SFMBT2: variants seen among roughly 807,000 people sequenced by gnomAD.
SFMBT2 encodes the protein scm-like with four MBT domains protein 2.
SFMBT2 carries 38 observed loss-of-function variants against 110.1 expected under a neutral mutation model. The observed-to-expected ratio is 0.35, with a 90% CI of 0.27 to 0.45. The LOEUF is 0.45. Among genes scored for constraint, SFMBT2 ranks in the 20% least tolerant of loss-of-function variants. SFMBT2 has a pLI of 1.00. For synonymous variants in SFMBT2, 425 were observed against 425.4 expected (o/e 1.00, Z 0.01); for missense variants, 1,011 against 1,094.9 (o/e 0.92, Z 1.08).
chr10:7,180,377 G>A (rs1372584534), intron 16 of SFMBT2, among the ~76,000 whole-genome samples: 1 of 151,090 alleles, frequency 6.6e-6, no homozygotes, highest in East Asian at 1.9e-4. Context: ...GACCTCAAGT[G>A]ATCTGCCCGC....
intron 10 of SFMBT2, among the ~76,000 whole-genome samples, chr10:7,226,383 C>A (rs1839896150): frequency 6.6e-6 from 1 of 152,246 alleles, no homozygotes; most frequent in Non-Finnish European, 1.5e-5. Context: ...GACTTGCACT[C>A]ACTTTTGAAC....
intron 16 of SFMBT2, chr10:7,176,583 T>G (rs1360943472): frequency 1.3e-6 from 1 of 773,858 alleles, no homozygotes; most frequent in Non-Finnish European, 1.6e-6. Flanking sequence ...GATTCTGCCT[T>G]GAAAACCATG....
At chr10:7,331,244 C>T (rs1843551079) in intron 4 of SFMBT2, among the ~76,000 whole-genome samples, 2 of 152,314 alleles carry the variant, frequency 1.3e-5, no homozygotes, top group South Asian at 2.1e-4. Context: ...TTTCATCACT[C>T]GATGGCACAC....
chr10:7,241,657 C>A (rs1840434059), intron 9 of SFMBT2, among the ~76,000 whole-genome samples: 1 of 152,100 alleles, frequency 6.6e-6, no homozygotes, highest in African/African-American at 2.4e-5. Flanking sequence ...GAATGTTTAA[C>A]AGTTCAGTTG....
At chr10:7,315,062 AAG>A (rs1322460669) in intron 4 of SFMBT2, among the ~76,000 whole-genome samples, 5 of 139,868 alleles carry the variant, frequency 3.6e-5, no homozygotes, top group Admixed American at 7.2e-5. Flanking sequence ...GAAAGAAAGA[AAG>A]AAAGAAAGAA....
At chr10:7,242,780 A>G (rs1840476355) in intron 9 of SFMBT2, among the ~76,000 whole-genome samples, 1 of 152,242 alleles carries the variant, frequency 6.6e-6, no homozygotes, top group Admixed American at 6.5e-5. Flanking sequence ...TTCTCCCAAT[A>G]GGGTTAATGT....
intron 1 of SFMBT2, among the ~76,000 whole-genome samples, chr10:7,384,308 G>A (rs566010902): frequency 6.7e-5 from 10 of 148,288 alleles, no homozygotes; most frequent in African/African-American, 9.9e-5. Flanking sequence ...CTGTGGCACC[G>A]TCTGGGGCAC....
intron 8 of SFMBT2, chr10:7,244,058 GA>G: frequency 2.2e-6 from 2 of 905,314 alleles, no homozygotes; most frequent in Non-Finnish European, 2.6e-6. Context: ...GACAGGAACT[GA>G]AAAGTGAAAC....
At position 7,171,272 on chromosome 10, in the gene SFMBT2, G is replaced by A; in HGVS notation, c.2416-216C>T. ...TGCAATGACTCATGTGCCTTCAGAT[G>A]GAAGAAGGCAGGCACAGTGACAGTC... On this transcript the variant is annotated intron_variant, in intron 19 of 20. Transcript: ENST00000397167. The surrounding 1 kb of genome is among the most constrained non-coding windows in gnomAD (Gnocchi z 4.9). The A allele has an allele frequency of 1.3e-6, 1 of 751,676 alleles. No individual in the cohort carries two copies. Among genetic ancestry groups the A allele is most frequent in the Non-Finnish European group, 1.6e-6 (1 of 616,570 alleles). 46.6% of individuals were successfully genotyped at this position (751,676 alleles called of 1,614,324 possible).
At chr10:7,353,628 A>G (rs1844400439) in intron 4 of SFMBT2, among the ~76,000 whole-genome samples, 1 of 152,200 alleles carries the variant, frequency 6.6e-6, no homozygotes, top group African/African-American at 2.4e-5. Context: ...TCCTCCCATC[A>G]TGCATTTTCA....
intron 11 of SFMBT2, among the ~76,000 whole-genome samples, chr10:7,209,666 G>A (rs1204099030): frequency 6.6e-6 from 1 of 152,202 alleles, no homozygotes; most frequent in Non-Finnish European, 1.5e-5. Context: ...TTAAAAGGGG[G>A]AAATAACATA....
In SFMBT2 at chr10:7,372,482, C is replaced by T. The variant is rs117409106; in HGVS notation, c.101-2107G>A. 2.7e-3 allele frequency among the ~76,000 whole-genome samples: 405 copies of T among 152,340 alleles called. 1 individual carries two copies. The highest frequency in any genetic ancestry group is 0.02 in the Middle Eastern group (6 of 294). On this transcript the variant is annotated intron_variant, in intron 2 of 20. Coordinates refer to ENST00000397167, the MANE Select transcript of SFMBT2 (RefSeq NM_001387889.1). ...AAACCTTTCCTTGGTGGTGCTCTAA[C>T]ATTCGGTCCCACCCAGGGATTGACG...
At position 7,248,736 on chromosome 10, in the gene SFMBT2, T is replaced by C. The variant is rs562666117; in HGVS notation, c.871-87A>G. Reference sequence around the variant, plus strand: ...CCGGATGCGCTCCTGGAGCATTTTATTGGGCAACCAAAATCTTATGGAGAC... The same window carrying C: ...CCGGATGCGCTCCTGGAGCATTTTACTGGGCAACCAAAATCTTATGGAGAC... On this transcript the variant is annotated intron_variant, in intron 7 of 20. Coordinates refer to ENST00000397167, the MANE Select transcript of SFMBT2 (RefSeq NM_001387889.1). 494 of 1,125,466 alleles carry C rather than the reference T, an allele frequency of 4.4e-4. 2 individuals are homozygous for C. Among genetic ancestry groups the C allele is most frequent in the South Asian group, 6.3e-4 (46 of 72,668 alleles). The allele number at this position is 1,125,466 out of a possible 1,614,324, so 69.7% of individuals were successfully genotyped here.
rs181434178 is a variant in SFMBT2 at position 7,319,886 on chromosome 10, G to C, written c.437-33932C>G. ...ACAGAGGGAGACAGAGAGGGAGAGA[G>C]ACAGAGAGACAGAGAGAGACTAAGA... On this transcript the variant is annotated intron_variant, in intron 4 of 20. Coordinates refer to ENST00000397167, the MANE Select transcript of SFMBT2 (RefSeq NM_001387889.1). 6.5e-3 allele frequency among the ~76,000 whole-genome samples: 898 copies of C among 137,874 alleles called. 13 individuals are homozygous for C. The highest frequency in any genetic ancestry group is 0.025 in the African/African-American group (840 of 33,448). 90.5% of individuals were successfully genotyped at this position (137,874 alleles called of 152,430 possible).
intron 4 of SFMBT2, among the ~76,000 whole-genome samples, chr10:7,355,856 A>G (rs1304073823): frequency 1.3e-5 from 2 of 152,214 alleles, no homozygotes; most frequent in Non-Finnish European, 2.9e-5. Context: ...GTCAATGTAT[A>G]CAACTGTTGG....
chr10:7,367,613 G>A lies in SFMBT2; in HGVS notation c.436+36C>T, dbSNP rs561576859. On this transcript the variant is annotated intron_variant, in intron 4 of 20. Transcript: ENST00000397167. The surrounding 1 kb of genome is among the most constrained non-coding windows in gnomAD (Gnocchi z 6.2). ...AATTACAGGCGTCATGAAGGATGGC[G>A]GCTCGTAAATCGAAGCCTTTGAAAC... 1.3e-5 allele frequency: 21 copies of A among 1,590,888 alleles called. No homozygotes were observed. The highest frequency in any genetic ancestry group is 2.2e-4 in the Middle Eastern group (1 of 4,510).
chr10:7,385,810 T>C (rs113127894), intron 1 of SFMBT2, among the ~76,000 whole-genome samples: 1,816 of 152,096 alleles, frequency 0.012, 24 homozygotes, highest in African/African-American at 0.031. Flanking sequence ...CCATCCTGGC[T>C]AACACGGTGA....
At chr10:7,380,839 T>A (rs1845399622) in intron 2 of SFMBT2, among the ~76,000 whole-genome samples, 1 of 152,080 alleles carries the variant, frequency 6.6e-6, no homozygotes, top group South Asian at 2.1e-4. Flanking sequence ...CACTTGAGCC[T>A]AGTAGTTTAA....
intron 4 of SFMBT2, among the ~76,000 whole-genome samples, chr10:7,294,641 T>G (rs1158151682): frequency 6.6e-6 from 1 of 152,164 alleles, no homozygotes; most frequent in Non-Finnish European, 1.5e-5. Flanking sequence ...AAATTAATTC[T>G]GATGGTTAAT....
Sources: allele counts gnomAD v4.1 joint callset (sites outside exome capture counted in the v4.1 genomes callset), GRCh38; gene constraint gnomAD v4.1.1; non-coding constraint Gnocchi (gnomAD v3.1); transcripts MANE v1.5; gene names NCBI Gene and HGNC (gene_info 2026-07-23, HGNC 2026-07-21).